The following PDZD9 variants were observed in gnomAD, a reference collection of about 807,000 sequenced individuals.
The protein encoded by PDZD9 is PDZ domain-containing protein 9.
In PDZD9, 13 loss-of-function variants were observed where a neutral mutation model predicts 16.3. The ratio of observed to expected loss-of-function variants is 0.80; its 90% CI spans 0.52 to 1.27. The LOEUF (loss-of-function observed/expected upper bound fraction) is 1.27. Among genes scored for constraint, PDZD9 ranks in the 50% most tolerant of loss-of-function variants. PDZD9 has a pLI of 0.00. For synonymous variants in PDZD9, 120 were observed against 111.0 expected (o/e 1.08, Z -0.51); for missense variants, 288 against 310.9 (o/e 0.93, Z 0.55).
chr16:21,958,017 A>G, the PDZD9 span, among the ~76,000 whole-genome samples: 1 of 152,210 alleles, frequency 6.6e-6, no homozygotes, highest in African/African-American at 2.4e-5. Flanking sequence ...ATGTCATCTT[A>G]AGTACTTAAA....
intron 3 of PDZD9, among the ~76,000 whole-genome samples, chr16:21,985,442 T>G (rs1898854345): frequency 6.6e-6 from 1 of 152,014 alleles, no homozygotes; most frequent in Non-Finnish European, 1.5e-5. Flanking sequence ...CAGCCAGGTT[T>G]TTGTTGTTGT....
Position 21,984,646 on chromosome 16 carries a change from A to AT in PDZD9, c.415dup (p.Ile139AsnfsTer2), listed in dbSNP as rs764315606. On this transcript the variant is annotated frameshift_variant, in exon 4 of 4. Coordinates refer to ENST00000424898, the MANE Select transcript of PDZD9 (RefSeq NM_001363519.1). LOFTEE classifies it low-confidence loss of function (END_TRUNC). ...GAAAGATTCATCTTTTGCCAGCTCA[A>AT]TTTTCTTTGGTGTGCTGAAATGAAA... 10 of 1,508,988 alleles carry AT rather than the reference A, an allele frequency of 6.6e-6. No homozygotes were observed. Among genetic ancestry groups the AT allele is most frequent in the Non-Finnish European group, 8.9e-6 (10 of 1,128,438 alleles). 93.5% of individuals were successfully genotyped at this position (1,508,988 alleles called of 1,614,324 possible). A position where few individuals can be genotyped will look rare whatever the true frequency, so the allele number is the denominator to read the frequency against.
At chr16:21,986,154 A>G (rs1245996630) in intron 3 of PDZD9, among the ~76,000 whole-genome samples, 1 of 152,132 alleles carries the variant, frequency 6.6e-6, no homozygotes, top group Non-Finnish European at 1.5e-5. Context: ...CAGTGTGTAT[A>G]CCCAGTGCCA....
At chr16:21,995,329 T>G in intron 2 of PDZD9, 1 of 441,170 alleles carries the variant, frequency 2.3e-6, no homozygotes, top group Non-Finnish European at 4.5e-6. Flanking sequence ...ATGAGCCAAT[T>G]AAACCTCTTT....
At chr16:21,974,041 G>A in the PDZD9 span, 2 of 1,446,302 alleles carry the variant, frequency 1.4e-6, no homozygotes, top group Non-Finnish European at 1.9e-6. Flanking sequence ...CCATAAACAT[G>A]TTTTCGGTTA....
chr16:22,000,936 C>T (rs1295645429), intron 1 of PDZD9, 81 bp downstream of exon 1: 2 of 1,423,802 alleles, frequency 1.4e-6, no homozygotes, highest in South Asian at 1.3e-5. Flanking sequence ...AAGAGTGCAC[C>T]GTTGCCATTT....
At chr16:21,958,589 G>A in the PDZD9 span, 1 of 1,611,668 alleles carries the variant, frequency 6.2e-7, no homozygotes, top group South Asian at 1.1e-5. Flanking sequence ...AGCAGTTGGT[G>A]GCAAATTAAG....
At chr16:21,980,761 C>G (rs965618781), downstream of PDZD9, 9 of 1,585,070 alleles carry the variant, frequency 5.7e-6, no homozygotes, top group African/African-American at 1.2e-4. Context: ...GATCCAATTT[C>G]AGAAGGATGC....
At chr16:21,980,499 A>T (rs1398711762), downstream of PDZD9, 1 of 1,585,456 alleles carries the variant, frequency 6.3e-7, no homozygotes, top group East Asian at 2.2e-5. Context: ...AGAAAAAAAA[A>T]ATAATTGCCT....
chr16:21,958,569 G>A, the PDZD9 span: 23 of 1,612,576 alleles, frequency 1.4e-5, no homozygotes, highest in East Asian at 2.2e-5. Flanking sequence ...AAGATAACCC[G>A]TGGAATTGAA....
chr16:21,975,412 G>T, the PDZD9 span, among the ~76,000 whole-genome samples: 5 of 152,256 alleles, frequency 3.3e-5, no homozygotes, highest in South Asian at 6.2e-4. Context: ...CAGGTCTGGG[G>T]TGTGGCTCTG....
the PDZD9 span, among the ~76,000 whole-genome samples, chr16:21,961,647 TA>T: frequency 1.0e-5 from 1 of 99,906 alleles, no homozygotes; most frequent in Non-Finnish European, 1.9e-5. Flanking sequence ...TATATATATA[TA>T]TATATATATA....
the PDZD9 span, among the ~76,000 whole-genome samples, chr16:21,963,488 G>A: frequency 6.0e-5 from 9 of 151,072 alleles, no homozygotes; most frequent in Non-Finnish European, 1.2e-4. Context: ...GTTTGTTTTT[G>A]AGACAGGGTG....
chr16:21,968,418 C>G, the PDZD9 span: 1 of 407,792 alleles, frequency 2.5e-6, no homozygotes, highest in Non-Finnish European at 4.4e-6. Context: ...AGTTGTGCAA[C>G]CATGACCACA....
At chr16:21,962,683 A>G in the PDZD9 span, 1 of 1,602,474 alleles carries the variant, frequency 6.2e-7, no homozygotes, top group Non-Finnish European at 8.5e-7. Context: ...TCACATTGAG[A>G]GCATTACAGC....
the PDZD9 span, among the ~76,000 whole-genome samples, chr16:21,977,278 C>T: frequency 9.9e-5 from 15 of 151,904 alleles, no homozygotes; most frequent in Non-Finnish European, 1.3e-4. Context: ...TGCTTGAGCC[C>T]ACGAGTTTGA....
the PDZD9 span, among the ~76,000 whole-genome samples, chr16:21,964,561 T>C: frequency 1.3e-5 from 2 of 152,218 alleles, no homozygotes; most frequent in Admixed American, 6.5e-5. Flanking sequence ...ATTATTGTTA[T>C]ACTTTATGCC....
the PDZD9 span, among the ~76,000 whole-genome samples, chr16:21,961,630 A>ATATATATATATATATATATT: frequency 3.1e-5 from 1 of 32,184 alleles, no homozygotes; most frequent in East Asian, 1.5e-3. Context: ...TAAAATTTAT[A>ATATATATATATATATATATT]TATATATATA....
downstream of PDZD9, among the ~76,000 whole-genome samples, chr16:21,982,425 C>T (rs923770762): frequency 4.6e-5 from 7 of 152,052 alleles, no homozygotes; most frequent in Non-Finnish European, 7.4e-5. Context: ...ATTGTAATAC[C>T]GAAACAGGAA....
Sources: allele counts gnomAD v4.1 joint callset (sites outside exome capture counted in the v4.1 genomes callset), GRCh38; gene constraint gnomAD v4.1.1; transcripts MANE v1.5; gene names NCBI Gene and HGNC (gene_info 2026-07-23, HGNC 2026-07-21).